Variants in IL22RA2 observed in about 807,000 individuals in gnomAD.
The protein encoded by IL22RA2 is interleukin 22 receptor subunit alpha 2.
Under a neutral mutation model 30.7 loss-of-function variants are expected in IL22RA2, and 39 were observed. The ratio of observed to expected loss-of-function variants is 1.27; its 90% CI spans 0.98 to 1.66. IL22RA2 has a LOEUF of 1.66. IL22RA2 is among the 40% of genes most tolerant of loss of function. The pLI is 0.00. For missense variants in IL22RA2, 315 were observed against 312.7 expected (o/e 1.01, Z -0.05); for synonymous variants, 103 against 105.0 (o/e 0.98, Z 0.11).
chr6:137,167,035 T>C (rs1778639589), intron 1 of IL22RA2, among the ~76,000 whole-genome samples: 2 of 152,156 alleles, frequency 1.3e-5, no homozygotes, highest in Non-Finnish European at 2.9e-5. Context: ...TTGAGGCATT[T>C]CCCACCAGGA....
chr6:137,163,811 G>T (rs1165877058), intron 1 of IL22RA2, among the ~76,000 whole-genome samples: 1 of 152,184 alleles, frequency 6.6e-6, no homozygotes, highest in Non-Finnish European at 1.5e-5. Context: ...GATGGGGGAG[G>T]TGTGTGAAAG....
At chr6:137,160,068 G>A (rs889413557) in intron 2 of IL22RA2, among the ~76,000 whole-genome samples, 2 of 152,198 alleles carry the variant, frequency 1.3e-5, no homozygotes, top group African/African-American at 2.4e-5. Context: ...AGCCACAGTT[G>A]ATTTTGCTCA....
chr6:137,151,909 A>G (rs535881632), intron 5 of IL22RA2, among the ~76,000 whole-genome samples: 8 of 152,236 alleles, frequency 5.3e-5, no homozygotes, highest in Non-Finnish European at 1.0e-4. Context: ...ATGTGGAAAA[A>G]TCAAAACTCT....
rs1486496710 is a variant in IL22RA2 at position 137,144,090 on chromosome 6, C to T, written c.*1534G>A. On this transcript the variant is annotated 3_prime_UTR_variant, in exon 7 of 7. Transcript: ENST00000296980. Reference sequence around the variant, plus strand: ...TATTTGAAATTTTACTTACTCGCCACCCACCCCACTACTCTTAATTCATCG... The same window carrying T: ...TATTTGAAATTTTACTTACTCGCCATCCACCCCACTACTCTTAATTCATCG... 6.6e-6 allele frequency: 1 copy of T among 152,338 alleles called. No homozygotes were observed. The highest frequency in any genetic ancestry group is 1.5e-5 in the Non-Finnish European group (1 of 68,040). The allele number at this position is 152,338 out of a possible 1,614,324, so 9.4% of individuals were successfully genotyped here.
chr6:137,146,457 G>A (rs939784358), intron 6 of IL22RA2, among the ~76,000 whole-genome samples: 3 of 152,136 alleles, frequency 2.0e-5, no homozygotes, highest in Non-Finnish European at 4.4e-5. Context: ...GGATCCCTTA[G>A]AACTCACTTC....
intron 1 of IL22RA2, among the ~76,000 whole-genome samples, chr6:137,162,643 C>T (rs28385765): frequency 0.079 from 12,000 of 151,992 alleles, 1,168 homozygotes; most frequent in African/African-American, 0.23. Flanking sequence ...TTTTACTACA[C>T]GTGTTTAGAG....
At chr6:137,166,798 T>A (rs1778634889) in intron 1 of IL22RA2, among the ~76,000 whole-genome samples, 1 of 152,222 alleles carries the variant, frequency 6.6e-6, no homozygotes, top group Admixed American at 6.5e-5. Context: ...GAGACTCTTG[T>A]AGGATGGCAT....
At chr6:137,158,767 T>C (rs1194222790) in intron 2 of IL22RA2, among the ~76,000 whole-genome samples, 10 of 152,144 alleles carry the variant, frequency 6.6e-5, no homozygotes, top group Non-Finnish European at 1.5e-4. Flanking sequence ...AAAAAAAATA[T>C]TGCTCTTATT....
chr6:137,156,710 T>C, intron 4 of IL22RA2, 49 bp downstream of exon 4: 1 of 1,596,400 alleles, frequency 6.3e-7, no homozygotes, highest in Non-Finnish European at 8.6e-7. Context: ...TTAATGTTTC[T>C]ATAACAGAAC....
intron 2 of IL22RA2, among the ~76,000 whole-genome samples, chr6:137,159,912 A>G (rs1421393664): frequency 6.6e-6 from 1 of 152,248 alleles, no homozygotes; most frequent in African/African-American, 2.4e-5. Context: ...GTTATTTTCA[A>G]ATGAACAAGA....
At chr6:137,158,975 C>T (rs577555539) in intron 2 of IL22RA2, among the ~76,000 whole-genome samples, 53 of 152,294 alleles carry the variant, frequency 3.5e-4, no homozygotes, top group South Asian at 1.9e-3. Flanking sequence ...GTCCTGCTTC[C>T]AGGTAGGTCT....
intron 1 of IL22RA2, among the ~76,000 whole-genome samples, chr6:137,167,899 T>A (rs769581518): frequency 2.6e-5 from 4 of 152,222 alleles, no homozygotes; most frequent in Non-Finnish European, 4.4e-5. Context: ...CTGACTAGTC[T>A]ATGCATGGCT....
At chr6:137,155,250 C>G in intron 4 of IL22RA2, 131 bp from the exon 5 acceptor site, 1 of 611,980 alleles carries the variant, frequency 1.6e-6, no homozygotes, top group Non-Finnish European at 2.7e-6. Flanking sequence ...GGCTCCTCTT[C>G]AGAATCTTTA....
At chr6:137,163,859 G>A (rs575757688) in intron 1 of IL22RA2, among the ~76,000 whole-genome samples, 1 of 152,288 alleles carries the variant, frequency 6.6e-6, no homozygotes, top group East Asian at 1.9e-4. Context: ...ACCAAGGCGG[G>A]GTTGATGTGG....
At position 137,164,927 on chromosome 6, in the gene IL22RA2, T is replaced by C. The variant is rs28385761; in HGVS notation, c.-65-3113A>G. Among the ~76,000 whole-genome samples the C allele has an allele frequency of 1.5e-3, 221 of 152,266 alleles. 1 individual carries two copies. The highest frequency in any genetic ancestry group is 5.2e-3 in the African/African-American group (215 of 41,522). Reference sequence around the variant, plus strand: ...CTCTTATAGATCTAATGCAGTCCATTTTCCTAACTCACAATCCTACCTGGG... The same window carrying C: ...CTCTTATAGATCTAATGCAGTCCATCTTCCTAACTCACAATCCTACCTGGG... On this transcript the variant is annotated intron_variant, in intron 1 of 6. Coordinates refer to ENST00000296980, the MANE Select transcript of IL22RA2 (RefSeq NM_052962.3).
At chr6:137,163,362 A>G (rs1778562928) in intron 1 of IL22RA2, among the ~76,000 whole-genome samples, 1 of 151,638 alleles carries the variant, frequency 6.6e-6, no homozygotes. Flanking sequence ...TGGTTGTCCC[A>G]CAACATTTCC....
intron 3 of IL22RA2, 79 bp downstream of exon 3, chr6:137,158,268 A>T: frequency 6.5e-7 from 1 of 1,547,806 alleles, no homozygotes; most frequent in Non-Finnish European, 8.9e-7. Flanking sequence ...AAAAGCTCGG[A>T]TCCTAACACT....
chr6:137,156,457 T>C (rs1778409251), intron 4 of IL22RA2, among the ~76,000 whole-genome samples: 1 of 152,232 alleles, frequency 6.6e-6, no homozygotes, highest in Admixed American at 6.5e-5. Flanking sequence ...GTTTTAAAAT[T>C]ATTATTTATT....
chr6:137,159,422 G>A (rs942252707), intron 2 of IL22RA2, among the ~76,000 whole-genome samples: 5 of 152,042 alleles, frequency 3.3e-5, no homozygotes, highest in African/African-American at 9.7e-5. Flanking sequence ...CCGGATTCAA[G>A]CGATTCTCCT....
Sources: allele counts gnomAD v4.1 joint callset (sites outside exome capture counted in the v4.1 genomes callset), GRCh38; gene constraint gnomAD v4.1.1; transcripts MANE v1.5; gene names NCBI Gene and HGNC (gene_info 2026-07-23, HGNC 2026-07-21).